The following SYT1 variants were observed in gnomAD, a reference collection of about 807,000 sequenced individuals.
SYT1 encodes the protein synaptotagmin 1.
In SYT1, 8 loss-of-function variants were observed where a neutral mutation model predicts 44.8. The ratio of observed to expected loss-of-function variants is 0.18; its 90% CI spans 0.10 to 0.32. The LOEUF (loss-of-function observed/expected upper bound fraction) is 0.32. SYT1 is among the 10% of genes least tolerant of loss of function. The pLI, the probability that SYT1 is intolerant of heterozygous loss-of-function variation, is 1.00. For synonymous variants in SYT1, 154 were observed against 188.8 expected, an observed-to-expected ratio of 0.82 and a Z score of 1.51; for missense variants, 286 against 509.3, an observed-to-expected ratio of 0.56 and a Z score of 4.22.
chr12:78,929,188 G>A (rs1877475719), intron 1 of SYT1, among the ~76,000 whole-genome samples: 1 of 151,570 alleles, frequency 6.6e-6, no homozygotes, highest in South Asian at 2.1e-4. Context: ...GATCACCTGA[G>A]GGCAGGAGTT....
chr12:79,407,434 C>T (rs964254355), intron 9 of SYT1, among the ~76,000 whole-genome samples: 1 of 152,106 alleles, frequency 6.6e-6, no homozygotes, highest in Non-Finnish European at 1.5e-5. Context: ...CCCACCACAA[C>T]TGAGTGATCT....
intron 3 of SYT1, among the ~76,000 whole-genome samples, chr12:79,116,929 C>T (rs1432103695): frequency 6.6e-6 from 1 of 152,162 alleles, no homozygotes; most frequent in Admixed American, 6.5e-5. Context: ...ATCTGGGCTC[C>T]TCTGAAATCC....
chr12:79,047,955 A>G (rs1465510781), intron 3 of SYT1, among the ~76,000 whole-genome samples: 1 of 151,924 alleles, frequency 6.6e-6, no homozygotes, highest in Admixed American at 6.6e-5. Context: ...TAAGCAAAGT[A>G]CATGTTGATG....
chr12:79,099,449 C>T (rs1386298478), intron 3 of SYT1, among the ~76,000 whole-genome samples: 2 of 151,998 alleles, frequency 1.3e-5, no homozygotes, highest in East Asian at 3.9e-4. Flanking sequence ...TTTAAAACCA[C>T]ATAGTTGTAA....
At chr12:79,220,465 T>G (rs937027884) in intron 4 of SYT1, among the ~76,000 whole-genome samples, 14 of 152,120 alleles carry the variant, frequency 9.2e-5, no homozygotes, top group South Asian at 2.1e-4. Flanking sequence ...GAGCTTAGTT[T>G]GTCTTTGTTT....
chr12:79,425,242 T>C (rs1869381196), intron 9 of SYT1, among the ~76,000 whole-genome samples: 1 of 152,160 alleles, frequency 6.6e-6, no homozygotes, highest in South Asian at 2.1e-4. Flanking sequence ...TCATATTTTC[T>C]GCTGTTATTT....
At chr12:79,091,472 A>G (rs1235686101) in intron 3 of SYT1, among the ~76,000 whole-genome samples, 1 of 152,016 alleles carries the variant, frequency 6.6e-6, no homozygotes, top group South Asian at 2.1e-4. Flanking sequence ...AAAGATTTCT[A>G]GATTTGGCCT....
intron 1 of SYT1, among the ~76,000 whole-genome samples, chr12:78,968,340 A>C (rs1235836824): frequency 6.6e-6 from 1 of 152,094 alleles, no homozygotes; most frequent in Non-Finnish European, 1.5e-5. Flanking sequence ...TTATTGGAAG[A>C]GTCATCACAT....
chr12:79,122,490 G>A (rs1159118534), intron 3 of SYT1, among the ~76,000 whole-genome samples: 2 of 112,236 alleles, frequency 1.8e-5, no homozygotes, highest in Non-Finnish European at 3.3e-5. Flanking sequence ...CTCCAGCCTG[G>A]GCGACAGAGC....
chr12:79,138,883 T>C (rs955122004), intron 3 of SYT1, among the ~76,000 whole-genome samples: 15 of 152,028 alleles, frequency 9.9e-5, no homozygotes, highest in African/African-American at 3.6e-4. Context: ...AAATTTAAGG[T>C]GGTAAGAAAA....
chr12:79,417,753 G>A (rs1868839383), intron 9 of SYT1, among the ~76,000 whole-genome samples: 1 of 152,086 alleles, frequency 6.6e-6, no homozygotes, highest in Non-Finnish European at 1.5e-5. Context: ...TTTTGTGGGT[G>A]TCAGTGCTCT....
chr12:79,366,194 A>G (rs1281087060), intron 9 of SYT1, among the ~76,000 whole-genome samples: 1 of 152,254 alleles, frequency 6.6e-6, no homozygotes, highest in African/African-American at 2.4e-5. Context: ...AATATATCAC[A>G]GTATATCTCC....
intron 4 of SYT1, among the ~76,000 whole-genome samples, chr12:79,261,443 T>C (rs1877825584): frequency 6.6e-6 from 1 of 152,210 alleles, no homozygotes; most frequent in South Asian, 2.1e-4. Context: ...GGATTAACTT[T>C]AATCATCTGT....
At chr12:78,877,265 G>A (rs1195500462) in intron 1 of SYT1, among the ~76,000 whole-genome samples, 1 of 151,376 alleles carries the variant, frequency 6.6e-6, no homozygotes, top group African/African-American at 2.4e-5. Flanking sequence ...CAAAGAGAGA[G>A]CATGTATAGG....
chr12:79,069,114 G>C (rs978536728), intron 3 of SYT1, among the ~76,000 whole-genome samples: 8 of 152,106 alleles, frequency 5.3e-5, no homozygotes, highest in Admixed American at 1.3e-4. Context: ...AGTTTTATGG[G>C]TAAATTGTTG....
chr12:78,878,645 A>G (rs889751318), intron 1 of SYT1, among the ~76,000 whole-genome samples: 2 of 151,786 alleles, frequency 1.3e-5, no homozygotes, highest in Non-Finnish European at 1.5e-5. Context: ...AGTACCATCT[A>G]GTTAAGAGTG....
chr12:79,140,507 T>C (rs1227659607), intron 3 of SYT1, among the ~76,000 whole-genome samples: 1 of 152,176 alleles, frequency 6.6e-6, no homozygotes. Flanking sequence ...ACTTAAGTAT[T>C]TGTTGGGGTC....
At chr12:79,307,692 C>A (rs1289794733) in intron 8 of SYT1, among the ~76,000 whole-genome samples, 1 of 152,192 alleles carries the variant, frequency 6.6e-6, no homozygotes, top group Non-Finnish European at 1.5e-5. Flanking sequence ...CAGTCATGGC[C>A]ACCCAGATGG....
At chr12:79,180,011 A>G (rs1210545015) in intron 3 of SYT1, among the ~76,000 whole-genome samples, 1 of 152,038 alleles carries the variant, frequency 6.6e-6, no homozygotes, top group Admixed American at 6.6e-5. Context: ...ATTATGCTAT[A>G]ATGATGTACT....
Sources: allele counts gnomAD v4.1 joint callset (sites outside exome capture counted in the v4.1 genomes callset), GRCh38; gene constraint gnomAD v4.1.1; transcripts MANE v1.5; gene names NCBI Gene and HGNC (gene_info 2026-07-23, HGNC 2026-07-21).